The following ALS2CL variants were observed in gnomAD, a reference collection of about 807,000 sequenced individuals.
ALS2CL encodes the protein ALS2 C-terminal-like protein.
In ALS2CL, 112 loss-of-function variants were observed where a neutral mutation model predicts 127.9. The observed-to-expected ratio is 0.88, with a 90% CI of 0.75 to 1.02. The LOEUF (loss-of-function observed/expected upper bound fraction) is 1.02, where lower values mean the gene tolerates loss of function less well. Among genes scored for constraint, ALS2CL ranks in the 50% least tolerant of loss-of-function variants. The pLI, the probability that ALS2CL is intolerant of heterozygous loss-of-function variation, is 0.00. For synonymous variants in ALS2CL, 519 were observed against 527.6 expected (o/e 0.98, Z 0.22); for missense variants, 1,174 against 1,236.7 (o/e 0.95, Z 0.76).
chr3:46,672,055 C>G, intron 23 of ALS2CL, 22 bp from the exon 24 acceptor site: 1 of 1,614,058 alleles, frequency 6.2e-7, no homozygotes, highest in Non-Finnish European at 8.5e-7. Context: ...TAGCTGGCTC[C>G]AGGTCAAGGC....
At chr3:46,682,924 C>A (rs914380006) in intron 10 of ALS2CL, among the ~76,000 whole-genome samples, 1 of 152,240 alleles carries the variant, frequency 6.6e-6, no homozygotes, top group Non-Finnish European at 1.5e-5. Context: ...TGTCCTCTAG[C>A]GTCACCATCA....
At position 46,686,433 on chromosome 3, in the gene ALS2CL, G is replaced by A; in HGVS notation, c.541C>T (p.Pro181Ser). 6.2e-7 allele frequency: 1 copy of A among 1,612,910 alleles called. No homozygotes were observed. Among genetic ancestry groups the A allele is most frequent in the African/African-American group, 1.3e-5 (1 of 75,026 alleles). ...GCGTTCACCACCAGCTCCCGGGTTG[G>A]GTGATGCTGAAGGGGGACAGGGCAG... The part of the protein sequence containing the change: ...SLGDTIGEHH[P>S]TRELVVNAVT... The change falls in exon 6 of 26, where the codon CCA (proline) becomes TCA (serine). Residue 181 changes from proline (P) to serine (S), a missense_variant. By Grantham distance (74) the Pro-to-Ser change is moderately conservative. Transcript: ENST00000318962. The surrounding 1 kb of genome is among the most constrained non-coding windows in gnomAD (Gnocchi z 4.3).
At chr3:46,671,373 T>C in intron 25 of ALS2CL, 115 bp downstream of exon 25, 1 of 1,486,594 alleles carries the variant, frequency 6.7e-7, no homozygotes, top group Non-Finnish European at 9.0e-7. Context: ...GAGTCACACA[T>C]GAGCTGTGAA....
At chr3:46,676,155 A>T in intron 19 of ALS2CL, 90 bp downstream of exon 19, 1 of 1,522,306 alleles carries the variant, frequency 6.6e-7, no homozygotes, top group Non-Finnish European at 8.8e-7. Flanking sequence ...GACACTTGGC[A>T]TTCCTCCCAA....
rs780010917 is a variant in ALS2CL at position 46,680,479 on chromosome 3, G to T, written c.1499C>A (p.Thr500Asn). Residue 500 changes from threonine to asparagine, a missense_variant, in exon 14 of 26, where the codon ACC (threonine) becomes AAC (asparagine). By Grantham distance (65) the Thr-to-Asn change is moderately conservative. Coordinates refer to ENST00000318962, the MANE Select transcript of ALS2CL (RefSeq NM_147129.5). The stretch of plus-strand genomic sequence containing the variant: ...GCCCTGGTAGCAGACACCTGCCTGG[G>T]TGACCATGACCCCTGGGCCGTGGCG... ...GQRHGPGVMV[T>N]QAGVCYQGTF... 2.7e-5 allele frequency: 44 copies of T among 1,613,382 alleles called. No homozygotes were observed. In the South Asian group the frequency reaches 4.6e-4, roughly 17 times the overall value.
In ALS2CL at chr3:46,681,435, T is replaced by C; in HGVS notation, c.1275-28A>G. 1.2e-6 allele frequency: 2 copies of C among 1,608,954 alleles called. No homozygotes were observed. The highest frequency in any genetic ancestry group is 2.7e-5 in the African/African-American group (2 of 74,930). ...GGGGAGGGCCATCAACAACGAGCTCTGCCTCATGGAGCTCAGCCCAGAGGA... is the reference window on the plus strand; with the variant it reads ...GGGGAGGGCCATCAACAACGAGCTCCGCCTCATGGAGCTCAGCCCAGAGGA... On this transcript the variant is annotated intron_variant, in intron 12 of 25. Transcript: ENST00000318962. The surrounding 1 kb of genome is among the most constrained non-coding windows in gnomAD (Gnocchi z 4.9).
chr3:46,675,750 CA>C (rs1575414020), intron 19 of ALS2CL, 64 bp from the exon 20 acceptor site: 1 of 1,608,436 alleles, frequency 6.2e-7, no homozygotes, highest in East Asian at 2.2e-5. Context: ...GTTCTACCAC[CA>C]GTCAACAAAG....
intron 9 of ALS2CL, 74 bp downstream of exon 9, chr3:46,683,708 G>T: frequency 1.3e-6 from 2 of 1,554,490 alleles, no homozygotes; most frequent in Admixed American, 3.3e-5. Flanking sequence ...GCCCTGCAGG[G>T]TTGCATACTT....
At position 46,674,711 on chromosome 3, in the gene ALS2CL, G is replaced by A. The variant is rs751631981; in HGVS notation, c.2284C>T (p.Pro762Ser). The A allele has an allele frequency of 2.5e-6, 4 of 1,613,380 alleles. No homozygotes were observed. Among genetic ancestry groups the A allele is most frequent in the Non-Finnish European group, 3.4e-6 (4 of 1,179,710 alleles). Residue 762 changes from proline to serine, a missense_variant, in exon 21 of 26, where the codon CCC (proline) becomes TCC (serine). Pro to Ser is a moderately conservative substitution (Grantham distance 74, BLOSUM62 -1). Coordinates refer to ENST00000318962, the MANE Select transcript of ALS2CL (RefSeq NM_147129.5). ...GAGTAGAAGCTGGGCAGCATGAGGGGCAGCACCAATCCATGCACCTGGAGG... is the reference window on the plus strand; with the variant it reads ...GAGTAGAAGCTGGGCAGCATGAGGGACAGCACCAATCCATGCACCTGGAGG... ...RDLQVHGLVLPLMLPSFYSEL... is the reference protein window; with the variant it reads ...RDLQVHGLVLSLMLPSFYSEL...
chr3:46,688,063 G>T, intron 3 of ALS2CL, 35 bp downstream of exon 3: 1 of 1,603,336 alleles, frequency 6.2e-7, no homozygotes, highest in African/African-American at 1.3e-5. Flanking sequence ...TCTGACACCA[G>T]GGATGAGCCC....
intron 3 of ALS2CL, 60 bp from the exon 4 acceptor site, chr3:46,687,744 T>C (rs2106743232): frequency 1.3e-6 from 2 of 1,533,598 alleles, no homozygotes; most frequent in South Asian, 2.5e-5. Context: ...CCTAAGCCCC[T>C]GGTCCCTGGG....
Position 46,687,739 on chromosome 3 carries a change from G to A in ALS2CL, c.303-55C>T, listed in dbSNP as rs1447460653. On this transcript the variant is annotated intron_variant, in intron 3 of 25. Transcript: ENST00000318962. ...ACCCAGTCCTCAGCCCCAGACCTAA[G>A]CCCCTGGTCCCTGGGATCCCCAGAT... The A allele has an allele frequency of 1.3e-5, 20 of 1,546,760 alleles. No individual in the cohort carries two copies. In the Admixed American group the frequency reaches 3.8e-4, roughly 29 times the overall value.
At chr3:46,689,813 A>G (rs7613489) in intron 1 of ALS2CL, among the ~76,000 whole-genome samples, 62,471 of 152,076 alleles carry the variant, frequency 0.41, 14,311 homozygotes, top group African/African-American at 0.63. Flanking sequence ...TAGTATTAGT[A>G]GTGCCCTGGT....
In ALS2CL at chr3:46,674,704, A is replaced by T; in HGVS notation, c.2291T>A (p.Met764Lys). ...LQVHGLVLPL[M>K]LPSFYSELFT... Reference sequence around the variant, plus strand: ...GAGCTCTGAGTAGAAGCTGGGCAGCATGAGGGGCAGCACCAATCCATGCAC... The same window carrying T: ...GAGCTCTGAGTAGAAGCTGGGCAGCTTGAGGGGCAGCACCAATCCATGCAC... Residue 764 changes from methionine (M) to lysine (K), a missense_variant, in exon 21 of 26, where the codon ATG becomes AAG. Transcript: ENST00000318962. The T allele has an allele frequency of 6.2e-7, 1 of 1,613,932 alleles. No individual in the cohort carries two copies. The highest frequency in any genetic ancestry group is 1.1e-5 in the South Asian group (1 of 91,058).
chr3:46,676,437 G>C lies in ALS2CL; in HGVS notation c.2029-35C>G, dbSNP rs763516461. Reference sequence around the variant, plus strand: ...TGCATAGGCAACAGAGAGAGACTAAGCACTGGGGTCTGGAGCACAGCATGC... The same window carrying C: ...TGCATAGGCAACAGAGAGAGACTAACCACTGGGGTCTGGAGCACAGCATGC... On this transcript the variant is annotated intron_variant, in intron 18 of 25. Transcript: ENST00000318962. 4.6e-5 allele frequency: 74 copies of C among 1,611,772 alleles called. No individual in the cohort carries two copies. In the Middle Eastern group the frequency reaches 6.6e-4, roughly 14 times the overall value.
chr3:46,671,601 C>T lies in ALS2CL; in HGVS notation c.2685-17G>A, dbSNP rs1386815341. On this transcript the variant is annotated splice_polypyrimidine_tract_variant and intron_variant, in intron 24 of 25. Transcript: ENST00000318962. The stretch of plus-strand genomic sequence containing the variant: ...TGCTGAATTCTGGAGAACACCGCCC[C>T]ACCAAGAGAGCGAGGGAGACAAGGA... 1 of 1,613,656 alleles carries T rather than the reference C, an allele frequency of 6.2e-7. No homozygotes were observed. The highest frequency in any genetic ancestry group is 8.5e-7 in the Non-Finnish European group (1 of 1,179,916).
chr3:46,685,877 T>G (rs1699730313), intron 6 of ALS2CL, among the ~76,000 whole-genome samples: 1 of 152,164 alleles, frequency 6.6e-6, no homozygotes, highest in Non-Finnish European at 1.5e-5. Context: ...GCCATGCCCC[T>G]ATCAGTCCTC....
At chr3:46,682,740 G>T (rs968439742) in intron 10 of ALS2CL, among the ~76,000 whole-genome samples, 2 of 152,170 alleles carry the variant, frequency 1.3e-5, no homozygotes, top group African/African-American at 4.8e-5. Context: ...CCTATGAAAT[G>T]GGTAAAAGCA....
intron 16 of ALS2CL, chr3:46,677,324 T>G: frequency 8.1e-7 from 1 of 1,231,944 alleles, no homozygotes; most frequent in Non-Finnish European, 1.0e-6. Flanking sequence ...AGAGGGGGTC[T>G]TGGTCCAAGA....
Sources: allele counts gnomAD v4.1 joint callset (sites outside exome capture counted in the v4.1 genomes callset), GRCh38; gene constraint gnomAD v4.1.1; non-coding constraint Gnocchi (gnomAD v3.1); transcripts MANE v1.5; gene names NCBI Gene and HGNC (gene_info 2026-07-23, HGNC 2026-07-21).